Variants in HLA-DRB1 observed in about 807,000 individuals in gnomAD.
HLA-DRB1 encodes the protein major histocompatibility complex, class II, DR beta 1 precursor.
In HLA-DRB1, 10 loss-of-function variants were observed where a neutral mutation model predicts 27.9. The ratio of observed to expected loss-of-function variants is 0.36; its 90% CI spans 0.22 to 0.61. The LOEUF (loss-of-function observed/expected upper bound fraction) is 0.61, where lower values mean the gene tolerates loss of function less well. Ranked by LOEUF, HLA-DRB1 falls within the 20% of genes least tolerant of loss-of-function variation. The pLI, the probability that HLA-DRB1 is intolerant of heterozygous loss-of-function variation, is 0.73. For missense variants in HLA-DRB1, 118 were observed against 306.3 expected, an observed-to-expected ratio of 0.39 and a Z score of 4.59; for synonymous variants, 57 against 126.7, an observed-to-expected ratio of 0.45 and a Z score of 3.69.
rs1420548410 is a variant in HLA-DRB1, at chr6:32,589,818, C to T, written c.-76G>A. ...CAGGGAGAACTATGAACCCCTCCAC[C>T]CACATTCCAAGTTATAGGGAGGAAG... On this transcript the variant is annotated 5_prime_UTR_variant, in exon 1 of 6. An upstream open reading frame in the 5' UTR gains an earlier in-frame stop. Coordinates refer to ENST00000360004, the Ensembl canonical transcript of HLA-DRB1. 29,090 of 358,506 alleles carry T rather than the reference C, an allele frequency of 0.081. 199 individuals carry two copies. Among genetic ancestry groups the T allele is most frequent in the African/African-American group, 0.13 (3,419 of 25,442 alleles). 22.2% of individuals were successfully genotyped at this position (358,506 alleles called of 1,614,324 possible).
At chr6:32,582,868 A>AT (rs386418308) in intron 2 of HLA-DRB1, among the ~76,000 whole-genome samples, 15,191 of 81,196 alleles carry the variant, frequency 0.19, 1,987 homozygotes, top group Non-Finnish European at 0.19. Flanking sequence ...AAATACAACT[A>AT]TTTTTTTAGA....
intron 5 of HLA-DRB1, 60 bp downstream of exon 5, chr6:32,580,187 G>A (rs755996563): frequency 5.1e-6 from 3 of 591,390 alleles, no homozygotes; most frequent in South Asian, 3.9e-5. Context: ...AAGTCCAGCT[G>A]GCTTCACCTC....
exon 6 of HLA-DRB1, chr6:32,578,970 C>T (rs759691504): frequency 8.3e-6 from 4 of 482,364 alleles, no homozygotes; most frequent in Non-Finnish European, 1.5e-5. Flanking sequence ...AGTTGCCGAA[C>T]CAGTAGCAAC....
intron 1 of HLA-DRB1, among the ~76,000 whole-genome samples, chr6:32,585,706 C>T (rs201604491): frequency 0.36 from 34,298 of 94,598 alleles, 7,020 homozygotes; most frequent in Middle Eastern, 0.51. Flanking sequence ...TCAAATAATG[C>T]AGTATACCTA....
At chr6:32,586,998 A>G (rs34296445) in intron 1 of HLA-DRB1, among the ~76,000 whole-genome samples, 2 of 63,512 alleles carry the variant, frequency 3.1e-5, no homozygotes, top group Admixed American at 2.1e-4. Context: ...TTTTCCCTGA[A>G]GAATTCCCTG....
intron 2 of HLA-DRB1, among the ~76,000 whole-genome samples, chr6:32,583,097 C>T (rs1775798476): frequency 1.0e-5 from 1 of 96,900 alleles, no homozygotes; most frequent in Non-Finnish European, 2.1e-5. Flanking sequence ...ACAAAGAACG[C>T]AGAAAGTCAC....
At chr6:32,584,943 C>T (rs139569290) in intron 1 of HLA-DRB1, among the ~76,000 whole-genome samples, 16,856 of 57,508 alleles carry the variant, frequency 0.29, 5,238 homozygotes, top group Admixed American at 0.33. Flanking sequence ...TGAGAAATAT[C>T]AGAAGTGTGG....
intron 1 of HLA-DRB1, among the ~76,000 whole-genome samples, chr6:32,584,738 C>G (rs9269983): frequency 0.24 from 17,883 of 75,654 alleles, 1,293 homozygotes; most frequent in Admixed American, 0.29. Context: ...TCATCCCACA[C>G]GCTTTACCGG....
At chr6:32,582,643 G>T (rs33927408) in intron 2 of HLA-DRB1, among the ~76,000 whole-genome samples, 7,036 of 75,154 alleles carry the variant, frequency 0.094, 288 homozygotes, top group East Asian at 0.15. Flanking sequence ...GCAGAGAGAA[G>T]GATTAGGGAA....
In HLA-DRB1 at chr6:32,581,071, GGC is replaced by G. The variant is rs1226205369; in HGVS notation, c.653-217_653-216del. Among the ~76,000 whole-genome samples the G allele has an allele frequency of 3.6e-3, 321 of 90,204 alleles. 1 individual carries two copies. Among genetic ancestry groups the G allele is most frequent in the Admixed American group, 5.6e-3 (40 of 7,148 alleles). 59.2% of individuals were successfully genotyped at this position (90,204 alleles called of 152,430 possible). ...TTCAAATATTACAGCCTTGATGTAA[GGC>G]ACAAGTTCAACATCTGATCCACAGA... is the stretch of plus-strand genomic sequence containing the variant. On this transcript the variant is annotated intron_variant, in intron 3 of 5. Transcript: ENST00000360004.
chr6:32,580,767 T>G (rs199873800), exon 4 of HLA-DRB1: 218,436 of 1,351,162 alleles, frequency 0.16, 14 homozygotes, highest in East Asian at 0.22. Context: ...CTGAAGTAGA[T>G]GAACAGCCCG....
chr6:32,579,151 CA>C (rs67615547), intron 5 of HLA-DRB1, 47 bp from the exon 6 acceptor site: 172,502 of 683,172 alleles, frequency 0.25, 45,409 homozygotes, highest in African/African-American at 0.46. Flanking sequence ...GCTCTACTAA[CA>C]GTTTCTTTTC....
intron 1 of HLA-DRB1, among the ~76,000 whole-genome samples, chr6:32,585,324 A>AGTC (rs1776240847): frequency 1.2e-5 from 1 of 81,230 alleles, no homozygotes; most frequent in Admixed American, 1.4e-4. Flanking sequence ...AATGATGGTC[A>AGTC]AACTCTCAAA....
At chr6:32,589,432 T>TAGCC (rs1777028968) in intron 1 of HLA-DRB1, among the ~76,000 whole-genome samples, 1 of 71,596 alleles carries the variant, frequency 1.4e-5, no homozygotes, top group African/African-American at 6.0e-5. Context: ...AAGAAATGAT[T>TAGCC]TGTGCAAAGG....
rs17882641 is a variant in HLA-DRB1 at position 32,584,284 on chromosome 6, C to T, written c.195G>A (p.Glu65=). The change falls in exon 2 of 6, where the codon GAG becomes GAA. Residue 65 remains glutamate, a synonymous_variant. Coordinates refer to ENST00000360004, the Ensembl canonical transcript of HLA-DRB1. ...CCACGTCGCTGTCGAAGCGCACGGA[C>T]TCCTCCTGGTTATAGAAGTATCTGT... is the stretch of plus-strand genomic sequence containing the variant. 4.6e-5 allele frequency: 66 copies of T among 1,448,622 alleles called. 2 individuals are homozygous for T. The African/African-American group carries it at 9.3e-4, about 20-fold the overall frequency. The allele number at this position is 1,448,622 out of a possible 1,614,324, so 89.7% of individuals were successfully genotyped here. A position where few individuals can be genotyped will look rare whatever the true frequency, so the allele number is the denominator to read the frequency against.
chr6:32,578,964 G>T, exon 6 of HLA-DRB1: 1 of 492,734 alleles, frequency 2.0e-6, no homozygotes. Context: ...TTCTGCAGTT[G>T]CCGAACCAGT....
intron 1 of HLA-DRB1, among the ~76,000 whole-genome samples, chr6:32,588,442 A>T (rs1776837254): frequency 1.0e-5 from 1 of 96,352 alleles, no homozygotes. Flanking sequence ...TGACAGAGCC[A>T]GGCCCTACCT....
intron 2 of HLA-DRB1, 107 bp from the exon 3 acceptor site, chr6:32,581,945 G>GTCT: frequency 1.7e-6 from 1 of 596,644 alleles, no homozygotes; most frequent in Non-Finnish European, 2.9e-6. Flanking sequence ...CCTTGACCAG[G>GTCT]CCTATAGCAC....
intron 1 of HLA-DRB1, among the ~76,000 whole-genome samples, chr6:32,589,429 G>GACCTGT (rs1777027023): frequency 2.3e-5 from 2 of 85,566 alleles, no homozygotes; most frequent in Non-Finnish European, 4.6e-5. Flanking sequence ...GAAAAGAAAT[G>GACCTGT]ATTTGTGCAA....
Sources: gnomAD v4.1 joint callset for allele counts (sites outside exome capture counted in the v4.1 genomes callset) on GRCh38, gnomAD v4.1.1 for gene constraint, MANE v1.5 for transcripts, NCBI Gene and HGNC (gene_info 2026-07-23, HGNC 2026-07-21) for gene names.